CKAP5: variants seen among roughly 807,000 people sequenced by gnomAD.
The protein encoded by CKAP5 is cytoskeleton-associated protein 5.
Under a neutral mutation model 232.8 loss-of-function variants are expected in CKAP5, and 27 were observed. The ratio of observed to expected loss-of-function variants is 0.12; its 90% CI spans 0.09 to 0.16. The LOEUF (loss-of-function observed/expected upper bound fraction) is 0.16, where lower values mean the gene tolerates loss of function less well. Among genes scored for constraint, CKAP5 ranks in the 10% least tolerant of loss-of-function variants. The probability of loss-of-function intolerance (pLI) is 1.00; values close to 1 mark genes in which losing one functional copy is unlikely to be tolerated. For synonymous variants in CKAP5, 785 were observed against 841.1 expected, an observed-to-expected ratio of 0.93 and a Z score of 1.16; for missense variants, 1,838 against 2,424.7, an observed-to-expected ratio of 0.76 and a Z score of 5.08.
intron 1 of CKAP5, among the ~76,000 whole-genome samples, chr11:46,832,285 T>C (rs1231388153): frequency 6.6e-6 from 1 of 152,250 alleles, no homozygotes; most frequent in African/African-American, 2.4e-5. Flanking sequence ...ATTTTGAAAT[T>C]TTCTAAGATT....
At chr11:46,755,128 C>T (rs2065100804) in intron 35 of CKAP5, 61 bp from the exon 36 acceptor site, 2 of 1,335,012 alleles carry the variant, frequency 1.5e-6, no homozygotes, top group Non-Finnish European at 1.0e-6. Context: ...TAGCGGAAGA[C>T]ACTATATGAA....
intron 20 of CKAP5, among the ~76,000 whole-genome samples, chr11:46,779,601 G>A (rs1437453236): frequency 6.6e-6 from 1 of 151,864 alleles, no homozygotes; most frequent in Non-Finnish European, 1.5e-5. Context: ...CTGGAGTTTT[G>A]ACCTGCTCTG....
At position 46,770,912 on chromosome 11, in the gene CKAP5, G is replaced by A. The variant is rs1276773215; in HGVS notation, c.3062C>T (p.Pro1021Leu). Residue 1021 changes from proline (P) to leucine (L), a missense_variant, in exon 25 of 44, where the codon CCT becomes CTT. Physicochemically the swap from Pro to Leu is moderately conservative, Grantham distance 98. Transcript: ENST00000529230. The stretch of plus-strand genomic sequence containing the variant: ...ATCTTCTAGGCAGGAGTAGAGATGA[G>A]GAACACAAAGGATAAGGTCTGTAGG... ...STPTDLILCVPHLYSCLEDRN... is the reference protein window; with the variant it reads ...STPTDLILCVLHLYSCLEDRN... 6.2e-7 allele frequency: 1 copy of A among 1,614,020 alleles called. No individual in the cohort carries two copies. The highest frequency in any genetic ancestry group is 2.2e-5 in the East Asian group (1 of 44,900).
intron 1 of CKAP5, among the ~76,000 whole-genome samples, chr11:46,831,127 T>C (rs985444845): frequency 2.0e-5 from 3 of 152,026 alleles, no homozygotes; most frequent in African/African-American, 7.2e-5. Flanking sequence ...AGCAAAGAAA[T>C]TTTTTTGAAA....
At chr11:46,757,775 A>C (rs1399450206) in intron 35 of CKAP5, among the ~76,000 whole-genome samples, 1 of 148,828 alleles carries the variant, frequency 6.7e-6, no homozygotes, top group African/African-American at 2.5e-5. Flanking sequence ...TTTAGTAGAG[A>C]CGGGGTTTCA....
At chr11:46,753,236 C>G (rs564974043) in intron 37 of CKAP5, 74 bp downstream of exon 37, 1 of 1,234,628 alleles carries the variant, frequency 8.1e-7, no homozygotes, top group Non-Finnish European at 1.1e-6. Context: ...AGTTGACTTA[C>G]GGACATTATG....
At chr11:46,757,741 C>T (rs539193871) in intron 35 of CKAP5, among the ~76,000 whole-genome samples, 2 of 151,746 alleles carry the variant, frequency 1.3e-5, no homozygotes, top group African/African-American at 4.8e-5. Flanking sequence ...GCGTGCGCCA[C>T]CATGCCCAGC....
chr11:46,834,482 G>A (rs1467514833), intron 1 of CKAP5, among the ~76,000 whole-genome samples: 4 of 133,360 alleles, frequency 3.0e-5, no homozygotes, highest in African/African-American at 5.8e-5. Flanking sequence ...TTGCACCACC[G>A]CACTCCAGCC....
At chr11:46,781,572 C>T (rs1442323415) in intron 18 of CKAP5, among the ~76,000 whole-genome samples, 1 of 152,196 alleles carries the variant, frequency 6.6e-6, no homozygotes, top group Non-Finnish European at 1.5e-5. Flanking sequence ...GAAGAAAAGA[C>T]ACTCCTTGCT....
chr11:46,838,547 G>A (rs1314903116), intron 1 of CKAP5, among the ~76,000 whole-genome samples: 1 of 147,242 alleles, frequency 6.8e-6, no homozygotes, highest in East Asian at 2.0e-4. Context: ...TTGGGAGGCC[G>A]AGGCAGGCAG....
At chr11:46,816,808 TTTA>T (rs1939413405) in intron 3 of CKAP5, among the ~76,000 whole-genome samples, 1 of 150,062 alleles carries the variant, frequency 6.7e-6, no homozygotes, top group South Asian at 2.1e-4. Context: ...TTTTTTTTTT[TTTA>T]AAGAGACAGG....
At chr11:46,843,650 A>G (rs1206784641) in intron 1 of CKAP5, among the ~76,000 whole-genome samples, 3 of 150,632 alleles carry the variant, frequency 2.0e-5, no homozygotes, top group Non-Finnish European at 4.4e-5. Flanking sequence ...GGATCACCTG[A>G]GCCCTGGAGG....
chr11:46,767,893 A>G (rs1449956925), intron 26 of CKAP5, among the ~76,000 whole-genome samples: 6 of 152,012 alleles, frequency 3.9e-5, no homozygotes, highest in Non-Finnish European at 8.8e-5. Context: ...CCTGGGCTCA[A>G]TGAATTCTCC....
rs1200575990 is a variant in CKAP5, at chr11:46,790,457, T to C, written c.1764+13A>G. 6.3e-7 allele frequency: 1 copy of C among 1,574,962 alleles called. No homozygotes were observed. Among genetic ancestry groups the C allele is most frequent in the Non-Finnish European group, 8.7e-7 (1 of 1,145,242 alleles). On this transcript the variant is annotated intron_variant, in intron 14 of 43. Coordinates refer to ENST00000529230, the MANE Select transcript of CKAP5 (RefSeq NM_001008938.4). Reference sequence around the variant, plus strand: ...GGGTTCATGATTTTCAGGCTCAGTGTGTTAATACTGACCGAGAGCTCAGGC... The same window carrying C: ...GGGTTCATGATTTTCAGGCTCAGTGCGTTAATACTGACCGAGAGCTCAGGC...
At chr11:46,778,846 G>A (rs931200043) in intron 20 of CKAP5, among the ~76,000 whole-genome samples, 1 of 152,196 alleles carries the variant, frequency 6.6e-6, no homozygotes, top group Admixed American at 6.5e-5. Context: ...AGGCCAAGGC[G>A]GGTGGATCAT....
In CKAP5 at chr11:46,754,258, A is replaced by G. The variant is rs554631814; in HGVS notation, c.4869+630T>C. Among the ~76,000 whole-genome samples the G allele has an allele frequency of 3.2e-4, 48 of 152,258 alleles. 1 individual carries two copies. The South Asian group carries it at 5.4e-3, about 17-fold the overall frequency. On this transcript the variant is annotated intron_variant, in intron 36 of 43. Transcript: ENST00000529230. ...GTGATCCACCCGCCTTGGCCTCCCA[A>G]CGTGCTGAGATTATAGGTGTGAGCC...
intron 13 of CKAP5, among the ~76,000 whole-genome samples, chr11:46,791,224 A>AT (rs1460572273): frequency 2.0e-5 from 3 of 149,590 alleles, no homozygotes; most frequent in Non-Finnish European, 3.0e-5. Flanking sequence ...TGATACCTTT[A>AT]TTTTTTTTAC....
At chr11:46,794,154 T>C (rs1938812646) in intron 13 of CKAP5, among the ~76,000 whole-genome samples, 1 of 151,954 alleles carries the variant, frequency 6.6e-6, no homozygotes, top group African/African-American at 2.4e-5. Context: ...TAGAACAAAA[T>C]AGAGGGCAAA....
At chr11:46,831,021 C>A (rs1163191018) in intron 1 of CKAP5, among the ~76,000 whole-genome samples, 1 of 152,024 alleles carries the variant, frequency 6.6e-6, no homozygotes, top group Non-Finnish European at 1.5e-5. Context: ...GCCGAGATCG[C>A]GTCACTGCAC....
Sources: allele counts gnomAD v4.1 joint callset (sites outside exome capture counted in the v4.1 genomes callset), GRCh38; gene constraint gnomAD v4.1.1; transcripts MANE v1.5; gene names NCBI Gene and HGNC (gene_info 2026-07-23, HGNC 2026-07-21).